Variants in CHL1 observed in about 807,000 individuals in gnomAD.
The protein encoded by CHL1 is neural cell adhesion molecule L1-like protein.
A neutral mutation model predicts 141.9 loss-of-function variants in CHL1; 96 were observed. That is an observed-to-expected ratio of 0.68 (90% CI 0.57 to 0.80). The LOEUF (loss-of-function observed/expected upper bound fraction) is 0.80. CHL1 is among the 30% of genes least tolerant of loss of function. The probability of loss-of-function intolerance (pLI) is 0.00; values close to 1 mark genes in which losing one functional copy is unlikely to be tolerated. For missense variants in CHL1, 1,820 were observed against 1,457.2 expected, an observed-to-expected ratio of 1.25 and a Z score of -4.05; for synonymous variants, 613 against 502.2, an observed-to-expected ratio of 1.22 and a Z score of -2.95.
At chr3:276,549 C>G (rs1559369086) in intron 2 of CHL1, among the ~76,000 whole-genome samples, 1 of 152,114 alleles carries the variant, frequency 6.6e-6, no homozygotes. Context: ...GAGTCGTACA[C>G]TGATCTCAAA....
intron 1 of CHL1, among the ~76,000 whole-genome samples, chr3:200,934 A>G (rs113116102): frequency 4.9e-4 from 75 of 152,320 alleles, no homozygotes; most frequent in African/African-American, 1.7e-3. Context: ...AGTTTATTTT[A>G]TGTGTGTCGC....
At chr3:223,121 C>T (rs1435786417) in intron 1 of CHL1, among the ~76,000 whole-genome samples, 2 of 152,158 alleles carry the variant, frequency 1.3e-5, no homozygotes, top group Non-Finnish European at 2.9e-5. Flanking sequence ...ATTCTCAGGT[C>T]CTAGCAACTA....
At chr3:310,945 G>A (rs1699703626) in intron 2 of CHL1, among the ~76,000 whole-genome samples, 1 of 152,020 alleles carries the variant, frequency 6.6e-6, no homozygotes, top group South Asian at 2.1e-4. Flanking sequence ...CAATAGTTTT[G>A]CCTTTTCCAG....
At chr3:365,903 G>C in intron 14 of CHL1, 47 bp from the exon 15 acceptor site, 2 of 1,517,242 alleles carry the variant, frequency 1.3e-6, no homozygotes, top group Non-Finnish European at 1.8e-6. Flanking sequence ...TAATAACAAA[G>C]TAAGTTACGC....
Position 381,384 on chromosome 3 carries a change from A to C in CHL1, c.1877-795A>C, listed in dbSNP as rs550483908. Among the ~76,000 whole-genome samples, 965 of 152,308 alleles carry C rather than the reference A, an allele frequency of 6.3e-3. 5 individuals are homozygous for C. The highest frequency in any genetic ancestry group is 9.8e-3 in the Non-Finnish European group (669 of 68,026). On this transcript the variant is annotated intron_variant, in intron 16 of 27. Coordinates refer to ENST00000256509, the MANE Select transcript of CHL1 (RefSeq NM_006614.4). ...TATCTATACTGAGGTTTGCAGTGGG[A>C]GAAAGGAAGACACTTATCTGCAGGG...
chr3:268,532 C>A (rs1200954888), intron 2 of CHL1, among the ~76,000 whole-genome samples: 1 of 151,342 alleles, frequency 6.6e-6, no homozygotes, highest in African/African-American at 2.4e-5. Context: ...GGGACCCCAT[C>A]TAAAAAAAAT....
intron 15 of CHL1, among the ~76,000 whole-genome samples, chr3:368,536 G>T (rs1353815662): frequency 6.6e-6 from 1 of 152,142 alleles, no homozygotes; most frequent in African/African-American, 2.4e-5. Context: ...CTGTCATTCT[G>T]TAGGTTGCCT....
chr3:382,046 G>T, intron 16 of CHL1, 133 bp from the exon 17 acceptor site: 1 of 524,884 alleles, frequency 1.9e-6, no homozygotes, highest in African/African-American at 2.3e-5. Flanking sequence ...TGTGGGGTGG[G>T]GGGCGGGGGT....
chr3:338,697 T>G (rs1220678150), intron 5 of CHL1, among the ~76,000 whole-genome samples: 1 of 152,256 alleles, frequency 6.6e-6, no homozygotes, highest in African/African-American at 2.4e-5. Flanking sequence ...TTGTATTTAG[T>G]TAAAAGCTGT....
In CHL1 at chr3:359,252, T is replaced by G. The variant is rs1703991150; in HGVS notation, c.1166-1032T>G. Reference sequence around the variant, plus strand: ...ATGCATGTGCCACATCCAGTAGAGTTTTTGGTCCTTAAATGCATCAGAAAT... The same window carrying G: ...ATGCATGTGCCACATCCAGTAGAGTGTTTGGTCCTTAAATGCATCAGAAAT... On this transcript the variant is annotated intron_variant, in intron 11 of 27. Coordinates refer to ENST00000256509, the MANE Select transcript of CHL1 (RefSeq NM_006614.4). 3.9e-5 allele frequency among the ~76,000 whole-genome samples: 6 copies of G among 151,970 alleles called. No individual in the cohort carries two copies. In the South Asian group the frequency reaches 1.2e-3, roughly 32 times the overall value.
chr3:345,670 A>G (rs533880282), intron 9 of CHL1, among the ~76,000 whole-genome samples: 1 of 152,048 alleles, frequency 6.6e-6, no homozygotes, highest in African/African-American at 2.4e-5. Flanking sequence ...TTTTTAGTAG[A>G]GACAGGGTTT....
intron 19 of CHL1, among the ~76,000 whole-genome samples, chr3:388,558 A>C (rs1385383534): frequency 6.6e-6 from 1 of 152,104 alleles, no homozygotes; most frequent in Non-Finnish European, 1.5e-5. Context: ...AAGAAAAAAA[A>C]AAAAAAAAAG....
At chr3:300,623 C>T (rs909927308) in intron 2 of CHL1, among the ~76,000 whole-genome samples, 1 of 152,148 alleles carries the variant, frequency 6.6e-6, no homozygotes, top group Non-Finnish European at 1.5e-5. Flanking sequence ...GCAATGACGA[C>T]ATGATGATGA....
intron 8 of CHL1, 101 bp from the exon 9 acceptor site, chr3:344,485 ACAC>A: frequency 2.6e-6 from 2 of 768,196 alleles, no homozygotes; most frequent in Non-Finnish European, 4.2e-6. Context: ...ACACACACAC[ACAC>A]ACTCGTGTGT....
At chr3:219,114 A>C (rs1417684607) in intron 1 of CHL1, among the ~76,000 whole-genome samples, 1 of 151,384 alleles carries the variant, frequency 6.6e-6, no homozygotes, top group South Asian at 2.1e-4. Flanking sequence ...ATGCCACTGC[A>C]CTCCAGCCTG....
intron 5 of CHL1, among the ~76,000 whole-genome samples, chr3:336,537 T>A (rs529773921): frequency 6.6e-6 from 1 of 152,108 alleles, no homozygotes; most frequent in South Asian, 2.1e-4. Flanking sequence ...CCTGGTGAGG[T>A]GTTTGAGGAG....
In CHL1 at chr3:234,015, T is replaced by A. The variant is rs114742888; in HGVS notation, c.-174-10598T>A. 2.0e-5 allele frequency among the ~76,000 whole-genome samples: 3 copies of A among 152,138 alleles called. No individual in the cohort carries two copies. In the East Asian group the frequency reaches 5.8e-4, roughly 29 times the overall value. On this transcript the variant is annotated intron_variant, in intron 1 of 27. Transcript: ENST00000256509. ...AAGTCAAAATGCTCATAATATTATG[T>A]AGAGATAAATAGCATATCATTTTTA... is the stretch of plus-strand genomic sequence containing the variant.
chr3:305,111 G>T (rs1699111709), intron 2 of CHL1, among the ~76,000 whole-genome samples: 2 of 152,060 alleles, frequency 1.3e-5, no homozygotes, highest in Admixed American at 1.3e-4. Flanking sequence ...TAATTGATTT[G>T]TGCTAATGAT....
intron 1 of CHL1, among the ~76,000 whole-genome samples, chr3:239,353 G>A (rs1318736395): frequency 6.6e-6 from 1 of 152,080 alleles, no homozygotes; most frequent in East Asian, 1.9e-4. Flanking sequence ...TACTTGATTA[G>A]CTTACGATCG....
Sources: gnomAD v4.1 joint callset for allele counts (sites outside exome capture counted in the v4.1 genomes callset) on GRCh38, gnomAD v4.1.1 for gene constraint, MANE v1.5 for transcripts, NCBI Gene and HGNC (gene_info 2026-07-23, HGNC 2026-07-21) for gene names.